Variants in RGS9 observed in about 807,000 individuals in gnomAD.
RGS9 encodes the protein regulator of G protein signaling 9.
In RGS9, 78 loss-of-function variants were observed where a neutral mutation model predicts 102.0. The ratio of observed to expected loss-of-function variants is 0.76; its 90% CI spans 0.64 to 0.92. RGS9 has a LOEUF of 0.92. Ranked by LOEUF, RGS9 falls within the 40% of genes least tolerant of loss-of-function variation. The pLI, the probability that RGS9 is intolerant of heterozygous loss-of-function variation, is 0.00. For missense variants in RGS9, 833 were observed against 866.1 expected, an observed-to-expected ratio of 0.96 and a Z score of 0.48; for synonymous variants, 353 against 318.6, an observed-to-expected ratio of 1.11 and a Z score of -1.15.
chr17:65,171,120 C>A (rs1754091348), intron 8 of RGS9, among the ~76,000 whole-genome samples: 1 of 152,188 alleles, frequency 6.6e-6, no homozygotes, highest in Non-Finnish European at 1.5e-5. Flanking sequence ...CTGTAACCAA[C>A]AGTTGTAGAG....
intron 1 of RGS9, among the ~76,000 whole-genome samples, chr17:65,142,574 C>CTTTTTTTTTTTTTT (rs745663576): frequency 1.5e-5 from 2 of 137,784 alleles, no homozygotes; most frequent in Non-Finnish European, 1.6e-5. Flanking sequence ...CCCTTCCTTT[C>CTTTTTTTTTTTTTT]TTTTTTTTTT....
At chr17:65,154,209 A>G (rs1910686398) in intron 2 of RGS9, among the ~76,000 whole-genome samples, 1 of 152,136 alleles carries the variant, frequency 6.6e-6, no homozygotes, top group South Asian at 2.1e-4. Flanking sequence ...CGGGAGGCTG[A>G]GGCATGAGAA....
intron 14 of RGS9, 77 bp from the exon 15 acceptor site, chr17:65,204,086 C>T: frequency 3.2e-6 from 5 of 1,559,624 alleles, no homozygotes; most frequent in Non-Finnish European, 4.4e-6. Flanking sequence ...ATCAGTCCTT[C>T]CCTCCCAAGC....
intron 11 of RGS9, 149 bp from the exon 12 acceptor site, chr17:65,193,394 T>C: frequency 1.5e-6 from 1 of 689,092 alleles, no homozygotes; most frequent in South Asian, 1.6e-5. Context: ...CAAGGGTTAT[T>C]TGATTTGAGG....
intron 11 of RGS9, among the ~76,000 whole-genome samples, 189 bp downstream of exon 11, chr17:65,190,425 G>C (rs1912324538): frequency 6.6e-6 from 1 of 152,140 alleles, no homozygotes; most frequent in South Asian, 2.1e-4. Flanking sequence ...TCTCATCTTG[G>C]GTTATGCAAA....
Position 65,204,069 on chromosome 17 carries a change from G to C in RGS9, c.1065-94G>C, listed in dbSNP as rs1290612303. On this transcript the variant is annotated intron_variant, in intron 14 of 18. Coordinates refer to ENST00000262406, the MANE Select transcript of RGS9 (RefSeq NM_003835.4). ...ACCACCACCCTCACCCTCGGTAACC[G>C]ATTCGTATCAGTCCTTCCCTCCCAA... 5 of 1,476,414 alleles carry C rather than the reference G, an allele frequency of 3.4e-6. No homozygotes were observed. In the Admixed American group the frequency reaches 8.5e-5, roughly 25 times the overall value. 91.5% of individuals were successfully genotyped at this position (1,476,414 alleles called of 1,614,324 possible). A position where few individuals can be genotyped will look rare whatever the true frequency, so the allele number is the denominator to read the frequency against.
intron 1 of RGS9, among the ~76,000 whole-genome samples, chr17:65,146,364 C>A (rs916015041): frequency 6.6e-6 from 1 of 151,870 alleles, no homozygotes; most frequent in Non-Finnish European, 1.5e-5. Context: ...CCAAGGTGGG[C>A]GGATCACGAG....
At chr17:65,181,110 G>C (rs1911869097) in intron 9 of RGS9, among the ~76,000 whole-genome samples, 1 of 152,160 alleles carries the variant, frequency 6.6e-6, no homozygotes, top group Non-Finnish European at 1.5e-5. Flanking sequence ...AGTGAACATA[G>C]GCATGCATGT....
chr17:65,204,467 T>A (rs1912971987), intron 15 of RGS9, among the ~76,000 whole-genome samples, 166 bp downstream of exon 15: 1 of 152,234 alleles, frequency 6.6e-6, no homozygotes, highest in Middle Eastern at 3.4e-3. Context: ...TCCCAGCTCT[T>A]TGGGAAGCTG....
intron 1 of RGS9, among the ~76,000 whole-genome samples, chr17:65,140,408 T>C (rs140069410): frequency 9.7e-4 from 148 of 152,206 alleles, no homozygotes; most frequent in African/African-American, 3.4e-3. Context: ...TGGGGCCATG[T>C]TCTGTAATGG....
Position 65,206,679 on chromosome 17 carries a change from A to AAAAC in RGS9, c.1204-1223_1204-1220dup, listed in dbSNP as rs61346542. On this transcript the variant is annotated intron_variant, in intron 15 of 18. Transcript: ENST00000262406. Reference sequence around the variant, plus strand: ...GCGAAAGAGTGAAACTCCGTCTCAAAAAACAAACAAACAAACAAACAAAAA... The same window carrying AAAAC: ...GCGAAAGAGTGAAACTCCGTCTCAAAAAACAAACAAACAAACAAACAAACAAAAA... 8.2e-3 allele frequency among the ~76,000 whole-genome samples: 1,243 copies of AAAAC among 152,266 alleles called. 12 individuals carry two copies. The highest frequency in any genetic ancestry group is 0.027 in the African/African-American group (1,138 of 41,520).
At chr17:65,221,760 C>T (rs188716432) in intron 17 of RGS9, among the ~76,000 whole-genome samples, 204 of 152,308 alleles carry the variant, frequency 1.3e-3, no homozygotes, top group African/African-American at 4.3e-3. Flanking sequence ...TGGAGTCCCA[C>T]TTTGTGGTTC....
chr17:65,137,403 C>T lies in RGS9; in HGVS notation c.-138C>T. On this transcript the variant is annotated 5_prime_UTR_variant, in exon 1 of 19. Transcript: ENST00000262406. ...GCGCCTAGTGAGAGTCAGGGGGGCCCGGCCCGCGCCCTCCCCGCCCAGCCG... is the reference window on the plus strand; with the variant it reads ...GCGCCTAGTGAGAGTCAGGGGGGCCTGGCCCGCGCCCTCCCCGCCCAGCCG... The T allele has an allele frequency of 1.2e-6, 1 of 818,170 alleles. No homozygotes were observed. The highest frequency in any genetic ancestry group is 2.1e-6 in the Non-Finnish European group (1 of 486,292). 50.7% of individuals were successfully genotyped at this position (818,170 alleles called of 1,614,324 possible).
chr17:65,187,641 C>T lies in RGS9; in HGVS notation c.655-1645C>T, dbSNP rs539305422. Among the ~76,000 whole-genome samples the T allele has an allele frequency of 3.9e-5, 6 of 152,310 alleles. No individual in the cohort carries two copies. The South Asian group carries it at 1.2e-3, about 32-fold the overall frequency. ...AGTGTCCTCCTCAGACTTAACCACT[C>T]TTTTCCAAGTGAAGACTTGGGTGGG... is the stretch of plus-strand genomic sequence containing the variant. On this transcript the variant is annotated intron_variant, in intron 9 of 18. Transcript: ENST00000262406.
intron 8 of RGS9, among the ~76,000 whole-genome samples, chr17:65,170,520 C>G (rs1426158040): frequency 8.5e-5 from 13 of 152,204 alleles, no homozygotes; most frequent in Non-Finnish European, 2.9e-5. Flanking sequence ...GACTGTGGAG[C>G]ACCAACCCCT....
intron 11 of RGS9, among the ~76,000 whole-genome samples, chr17:65,191,280 G>A (rs140405907): frequency 6.6e-6 from 1 of 152,146 alleles, no homozygotes; most frequent in Non-Finnish European, 1.5e-5. Flanking sequence ...CCCAAGGATA[G>A]TTCTTAGACC....
chr17:65,226,708 G>A (rs1324800677), intron 18 of RGS9, among the ~76,000 whole-genome samples: 1 of 132,500 alleles, frequency 7.5e-6, no homozygotes, highest in African/African-American at 4.3e-5. Flanking sequence ...CGTCTCCCAG[G>A]TTCCAGCAAT....
intron 1 of RGS9, among the ~76,000 whole-genome samples, chr17:65,145,271 T>TTAG (rs1465754200): frequency 6.6e-6 from 1 of 151,842 alleles, no homozygotes; most frequent in Non-Finnish European, 1.5e-5. Flanking sequence ...TTTTGTATTT[T>TTAG]TAGTAGAGAT....
chr17:65,223,258 C>G (rs1478877843), intron 17 of RGS9, among the ~76,000 whole-genome samples: 1 of 152,182 alleles, frequency 6.6e-6, no homozygotes, highest in African/African-American at 2.4e-5. Context: ...ATTGTTATTA[C>G]TATAATAACC....
Sources: gnomAD v4.1 joint callset for allele counts (sites outside exome capture counted in the v4.1 genomes callset) on GRCh38, gnomAD v4.1.1 for gene constraint, MANE v1.5 for transcripts, NCBI Gene and HGNC (gene_info 2026-07-23, HGNC 2026-07-21) for gene names.